Variants in GPC6 observed in about 807,000 individuals in gnomAD.
GPC6 encodes the protein glypican 6, also known as glypican-6.
GPC6 carries 14 observed loss-of-function variants against 55.2 expected under a neutral mutation model. That is an observed-to-expected ratio of 0.25 (90% CI 0.17 to 0.40). The LOEUF (loss-of-function observed/expected upper bound fraction) is 0.40. GPC6 is among the 10% of genes least tolerant of loss of function. GPC6 has a pLI of 1.00. For synonymous variants in GPC6, 278 were observed against 259.6 expected (o/e 1.07, Z -0.68); for missense variants, 641 against 708.5 (o/e 0.90, Z 1.08).
intron 3 of GPC6, among the ~76,000 whole-genome samples, chr13:93,839,246 G>T (rs560851353): frequency 1.1e-4 from 17 of 152,220 alleles, no homozygotes; most frequent in African/African-American, 4.1e-4. Flanking sequence ...GGTGTGCAAA[G>T]CTTGGTTCGT....
At chr13:93,939,663 T>C (rs1291191008) in intron 3 of GPC6, among the ~76,000 whole-genome samples, 2 of 152,104 alleles carry the variant, frequency 1.3e-5, no homozygotes, top group Non-Finnish European at 2.9e-5. Context: ...TTGCCCAGGC[T>C]GGTCTTGAGC....
At chr13:94,387,030 G>T (rs1482814911) in intron 7 of GPC6, among the ~76,000 whole-genome samples, 1 of 152,158 alleles carries the variant, frequency 6.6e-6, no homozygotes, top group Non-Finnish European at 1.5e-5. Flanking sequence ...TTTTTAAAAA[G>T]CTGTTATTAA....
chr13:94,165,439 G>T (rs534282000), intron 4 of GPC6, among the ~76,000 whole-genome samples: 1 of 152,108 alleles, frequency 6.6e-6, no homozygotes, highest in Admixed American at 6.6e-5. Flanking sequence ...TGGGAGCTAA[G>T]CTATGAGGAT....
intron 1 of GPC6, among the ~76,000 whole-genome samples, chr13:93,251,138 A>T (rs1299140520): frequency 2.6e-5 from 4 of 152,198 alleles, no homozygotes; most frequent in African/African-American, 4.8e-5. Flanking sequence ...GATGGGAGCT[A>T]CAATTCAAGA....
intron 4 of GPC6, among the ~76,000 whole-genome samples, chr13:94,104,953 T>C (rs1048318533): frequency 6.6e-6 from 1 of 152,066 alleles, no homozygotes; most frequent in Non-Finnish European, 1.5e-5. Flanking sequence ...CTTCACAGAA[T>C]TGGAAAAAAC....
intron 2 of GPC6, among the ~76,000 whole-genome samples, chr13:93,733,129 C>G (rs1318668533): frequency 6.6e-6 from 1 of 151,990 alleles, no homozygotes; most frequent in African/African-American, 2.4e-5. Context: ...GGACTATACT[C>G]TTTAAGTGAT....
intron 1 of GPC6, among the ~76,000 whole-genome samples, chr13:93,296,664 C>G (rs1180157354): frequency 6.6e-6 from 1 of 152,158 alleles, no homozygotes; most frequent in African/African-American, 2.4e-5. Context: ...TCCTCTACCT[C>G]CAGAAACAAC....
intron 2 of GPC6, among the ~76,000 whole-genome samples, chr13:93,808,919 C>T (rs1054185379): frequency 4.6e-5 from 7 of 152,116 alleles, no homozygotes; most frequent in South Asian, 2.1e-4. Context: ...GAAACCTAGA[C>T]GTAAGGCAGG....
intron 1 of GPC6, among the ~76,000 whole-genome samples, chr13:93,496,293 G>C (rs973385646): frequency 2.6e-5 from 4 of 152,182 alleles, no homozygotes; most frequent in Non-Finnish European, 2.9e-5. Context: ...TTTTTCAGGT[G>C]CGTCCCTCAC....
At chr13:93,948,444 C>A (rs990381385) in intron 3 of GPC6, among the ~76,000 whole-genome samples, 2 of 152,108 alleles carry the variant, frequency 1.3e-5, no homozygotes, top group African/African-American at 4.8e-5. Context: ...GCTGTGGATT[C>A]ATTTAATCAT....
chr13:93,944,161 T>G (rs1407522032), intron 3 of GPC6, among the ~76,000 whole-genome samples: 1 of 150,710 alleles, frequency 6.6e-6, no homozygotes, highest in Non-Finnish European at 1.5e-5. Flanking sequence ...TTCCAGTTTC[T>G]TCCTTTTATT....
intron 5 of GPC6, among the ~76,000 whole-genome samples, chr13:94,296,216 A>T (rs753100969): frequency 1.1e-4 from 17 of 152,220 alleles, no homozygotes; most frequent in Non-Finnish European, 2.2e-4. Flanking sequence ...TGTAAAAGGG[A>T]TACAACAAAA....
At chr13:93,339,989 A>T (rs998167289) in intron 1 of GPC6, among the ~76,000 whole-genome samples, 1 of 151,626 alleles carries the variant, frequency 6.6e-6, no homozygotes, top group African/African-American at 2.4e-5. Flanking sequence ...TTTAGTTAAT[A>T]ATAATCCATT....
intron 2 of GPC6, among the ~76,000 whole-genome samples, chr13:93,600,967 G>GAA (rs1238312026): frequency 2.7e-5 from 3 of 110,926 alleles, no homozygotes; most frequent in African/African-American, 9.8e-5. Context: ...AAAAAAAAAA[G>GAA]AAAAAAAAAA....
chr13:93,960,595 T>G (rs1025564565), intron 3 of GPC6, among the ~76,000 whole-genome samples: 1 of 152,140 alleles, frequency 6.6e-6, no homozygotes, highest in African/African-American at 2.4e-5. Flanking sequence ...AAGGTTCTCT[T>G]GTAGCCTGCC....
At chr13:93,940,142 T>C (rs546973874) in intron 3 of GPC6, among the ~76,000 whole-genome samples, 7 of 152,350 alleles carry the variant, frequency 4.6e-5, no homozygotes, top group African/African-American at 1.7e-4. Flanking sequence ...TACACTTTTC[T>C]TACATCCTTG....
intron 3 of GPC6, among the ~76,000 whole-genome samples, chr13:93,902,611 A>G (rs553263140): frequency 2.0e-4 from 31 of 152,196 alleles, no homozygotes; most frequent in African/African-American, 6.7e-4. Context: ...TCTGTTTTTA[A>G]TTTTTTGAGG....
chr13:93,383,754 G>C (rs1275718311), intron 1 of GPC6, among the ~76,000 whole-genome samples: 2 of 151,410 alleles, frequency 1.3e-5, no homozygotes, highest in African/African-American at 4.9e-5. Context: ...TTAATAGGGA[G>C]ACTGAATACA....
chr13:94,348,650 C>G (rs1439512064), intron 6 of GPC6, among the ~76,000 whole-genome samples: 2 of 152,170 alleles, frequency 1.3e-5, no homozygotes, highest in South Asian at 2.1e-4. Context: ...TTGAAGTGGT[C>G]TAGGATGGGG....
Sources: allele counts gnomAD v4.1 joint callset (sites outside exome capture counted in the v4.1 genomes callset), GRCh38; gene constraint gnomAD v4.1.1; transcripts MANE v1.5; gene names NCBI Gene and HGNC (gene_info 2026-07-23, HGNC 2026-07-21).